The following HDAC9 variants were observed in gnomAD, a reference collection of about 807,000 sequenced individuals.
The protein encoded by HDAC9 is MEF-2 interacting transcription repressor (MITR) protein.
HDAC9 carries 41 observed loss-of-function variants against 139.4 expected under a neutral mutation model. That is an observed-to-expected ratio of 0.29 (90% CI 0.23 to 0.38). The LOEUF (loss-of-function observed/expected upper bound fraction) is 0.38, where lower values mean the gene tolerates loss of function less well. Among genes scored for constraint, HDAC9 ranks in the 10% least tolerant of loss-of-function variants. The probability of loss-of-function intolerance (pLI) is 1.00; values close to 1 mark genes in which losing one functional copy is unlikely to be tolerated. For synonymous variants in HDAC9, 517 were observed against 476.2 expected (o/e 1.09, Z -1.12); for missense variants, 1,147 against 1,297.0 (o/e 0.88, Z 1.78).
chr7:18,554,494 C>A (rs1489945392), intron 2 of HDAC9, among the ~76,000 whole-genome samples: 1 of 151,980 alleles, frequency 6.6e-6, no homozygotes, highest in African/African-American at 2.4e-5. Flanking sequence ...CGCCACCACG[C>A]CCGGCTAATT....
intron 11 of HDAC9, 101 bp downstream of exon 11, chr7:18,648,784 C>A: frequency 3.1e-6 from 3 of 977,224 alleles, no homozygotes; most frequent in Admixed American, 2.2e-5. Context: ...ATGGGAGTCA[C>A]AGCAAAAAGG....
At chr7:18,391,398 A>AT (rs1268895303) in intron 1 of HDAC9, among the ~76,000 whole-genome samples, 1 of 152,068 alleles carries the variant, frequency 6.6e-6, no homozygotes, top group Non-Finnish European at 1.5e-5. Flanking sequence ...CCCAAAAAAA[A>AT]AAGAAAGTAA....
intron 1 of HDAC9, among the ~76,000 whole-genome samples, chr7:18,437,902 C>A (rs886214781): frequency 1.3e-4 from 20 of 151,432 alleles, no homozygotes; most frequent in African/African-American, 4.8e-4. Context: ...TGAACATTTA[C>A]ACACATGCAC....
At chr7:18,984,794 A>C (rs1480154338) in intron 25 of HDAC9, among the ~76,000 whole-genome samples, 1 of 152,184 alleles carries the variant, frequency 6.6e-6, no homozygotes, top group African/African-American at 2.4e-5. Flanking sequence ...AACATGGACA[A>C]AAGGAAGCAA....
At chr7:18,138,894 A>G (rs967441750) in intron 1 of HDAC9, among the ~76,000 whole-genome samples, 2 of 152,124 alleles carry the variant, frequency 1.3e-5, no homozygotes, top group African/African-American at 4.8e-5. Context: ...GCACTCTAGA[A>G]TAATGATTCT....
intron 16 of HDAC9, among the ~76,000 whole-genome samples, chr7:18,779,447 G>T (rs2129169935): frequency 6.6e-6 from 1 of 152,128 alleles, no homozygotes; most frequent in South Asian, 2.1e-4. Context: ...TTATCCCACA[G>T]GAGGAGAAAA....
At chr7:18,377,335 A>G (rs1364486758) in intron 1 of HDAC9, among the ~76,000 whole-genome samples, 1 of 152,186 alleles carries the variant, frequency 6.6e-6, no homozygotes, top group Non-Finnish European at 1.5e-5. Context: ...TGGAGGTTAG[A>G]ATTTTAACGT....
At chr7:18,214,269 C>T (rs961927212) in intron 2 of HDAC9, among the ~76,000 whole-genome samples, 16 of 151,982 alleles carry the variant, frequency 1.1e-4, no homozygotes, top group African/African-American at 3.6e-4. Context: ...TTTGAAGCTA[C>T]TCTTGTATTA....
chr7:18,867,407 C>T (rs6461389), intron 21 of HDAC9, among the ~76,000 whole-genome samples: 64,103 of 151,962 alleles, frequency 0.42, 13,865 homozygotes, highest in South Asian at 0.54. Flanking sequence ...GTAAGTTATT[C>T]GGAAAGGGAG....
intron 12 of HDAC9, among the ~76,000 whole-genome samples, chr7:18,669,251 C>T (rs1017411954): frequency 1.3e-5 from 2 of 151,744 alleles, no homozygotes; most frequent in Non-Finnish European, 3.0e-5. Context: ...ACATAACAAG[C>T]ACTCAATAAA....
intron 1 of HDAC9, among the ~76,000 whole-genome samples, chr7:18,144,038 A>G (rs1409292929): frequency 6.6e-6 from 1 of 152,146 alleles, no homozygotes; most frequent in Non-Finnish European, 1.5e-5. Context: ...GTCTATCTAC[A>G]TGTCACACCT....
At chr7:18,187,995 C>T in intron 2 of HDAC9, among the ~76,000 whole-genome samples, 1 of 152,118 alleles carries the variant, frequency 6.6e-6, no homozygotes, top group East Asian at 1.9e-4. Flanking sequence ...TTAGAAAAAA[C>T]TATTTTAAAT....
At chr7:18,510,369 CT>C (rs1297008580) in intron 2 of HDAC9, among the ~76,000 whole-genome samples, 3 of 152,062 alleles carry the variant, frequency 2.0e-5, no homozygotes, top group Non-Finnish European at 4.4e-5. Context: ...TAAATGCATA[CT>C]TTTTTTAATC....
intron 2 of HDAC9, among the ~76,000 whole-genome samples, chr7:18,170,069 C>T (rs527627609): frequency 6.6e-6 from 1 of 152,176 alleles, no homozygotes; most frequent in Non-Finnish European, 1.5e-5. Flanking sequence ...AGTTTGCACT[C>T]CCACCAACAG....
At chr7:18,824,093 G>GAAGAAGAAGAAGAAGAAC (rs869114650) in intron 17 of HDAC9, among the ~76,000 whole-genome samples, 157 of 150,656 alleles carry the variant, frequency 1.0e-3, no homozygotes, top group Middle Eastern at 3.4e-3. Flanking sequence ...AGAAGAACAA[G>GAAGAAGAAGAAGAAGAAC]AACAAGAAGG....
intron 1 of HDAC9, among the ~76,000 whole-genome samples, chr7:18,338,630 G>C (rs1326969424): frequency 6.6e-6 from 1 of 151,320 alleles, no homozygotes; most frequent in East Asian, 1.9e-4. Flanking sequence ...AATCAATCTT[G>C]CATTATTGGG....
chr7:18,684,878 A>G (rs973311443), intron 12 of HDAC9, among the ~76,000 whole-genome samples: 4 of 151,988 alleles, frequency 2.6e-5, no homozygotes, highest in Admixed American at 6.6e-5. Flanking sequence ...TCTAAAGCCA[A>G]TCTTCTAGTT....
At chr7:18,886,337 C>T (rs1283728439) in intron 22 of HDAC9, among the ~76,000 whole-genome samples, 1 of 152,202 alleles carries the variant, frequency 6.6e-6, no homozygotes, top group African/African-American at 2.4e-5. Context: ...GTTACTATAA[C>T]TGTACCATAA....
intron 1 of HDAC9, among the ~76,000 whole-genome samples, chr7:18,453,848 A>G (rs951296323): frequency 5.3e-5 from 8 of 152,174 alleles, no homozygotes; most frequent in African/African-American, 1.9e-4. Context: ...AAAGCAATCT[A>G]CAGATGAAAA....
Sources: allele counts gnomAD v4.1 joint callset (sites outside exome capture counted in the v4.1 genomes callset), GRCh38; gene constraint gnomAD v4.1.1; transcripts MANE v1.5; gene names NCBI Gene and HGNC (gene_info 2026-07-23, HGNC 2026-07-21).